COG5: variants seen among roughly 807,000 people sequenced by gnomAD.
COG5 encodes conserved oligomeric Golgi complex subunit 5.
COG5 carries 86 observed loss-of-function variants against 110.4 expected under a neutral mutation model. The ratio of observed to expected loss-of-function variants is 0.78; its 90% CI spans 0.65 to 0.93. The LOEUF is 0.93. Among genes scored for constraint, COG5 ranks in the 40% least tolerant of loss-of-function variants. The pLI, the probability that COG5 is intolerant of heterozygous loss-of-function variation, is 0.00. For synonymous variants in COG5, 360 were observed against 334.6 expected, an observed-to-expected ratio of 1.08 and a Z score of -0.83; for missense variants, 1,077 against 987.0, an observed-to-expected ratio of 1.09 and a Z score of -1.22.
chr7:107,503,149 T>A (rs1798741791), intron 6 of COG5, among the ~76,000 whole-genome samples: 1 of 152,168 alleles, frequency 6.6e-6, no homozygotes, highest in Admixed American at 6.5e-5. Flanking sequence ...TAGATTGAAG[T>A]CTTTGATCCA....
intron 7 of COG5, among the ~76,000 whole-genome samples, chr7:107,411,432 A>T (rs1310397055): frequency 6.6e-6 from 1 of 152,154 alleles, no homozygotes; most frequent in African/African-American, 2.4e-5. Context: ...AACTAAAAGT[A>T]ATCTCTAATG....
intron 7 of COG5, among the ~76,000 whole-genome samples, chr7:107,375,000 T>C (rs1474875484): frequency 6.6e-6 from 1 of 152,056 alleles, no homozygotes; most frequent in Non-Finnish European, 1.5e-5. Context: ...CTAAGTATTA[T>C]CAGCACCTTT....
At chr7:107,254,137 C>T (rs1802715621) in intron 16 of COG5, among the ~76,000 whole-genome samples, 1 of 151,954 alleles carries the variant, frequency 6.6e-6, no homozygotes, top group African/African-American at 2.4e-5. Context: ...AACCTCAAGC[C>T]TAAAATAACA....
intron 6 of COG5, among the ~76,000 whole-genome samples, chr7:107,485,237 T>C (rs1797589198): frequency 6.6e-6 from 1 of 152,184 alleles, no homozygotes; most frequent in African/African-American, 2.4e-5. Context: ...TACCAAATTC[T>C]GAAATAAGCT....
At chr7:107,501,541 G>A (rs977773974) in intron 6 of COG5, among the ~76,000 whole-genome samples, 6 of 152,020 alleles carry the variant, frequency 3.9e-5, no homozygotes, top group African/African-American at 1.4e-4. Flanking sequence ...AGAGCTCCTT[G>A]TTTTTGTCTA....
intron 11 of COG5, among the ~76,000 whole-genome samples, chr7:107,299,873 A>AATATATATATATATATATATGGAATTAC (rs1807109244): frequency 5.6e-5 from 7 of 124,450 alleles, no homozygotes; most frequent in Admixed American, 2.6e-4. Flanking sequence ...AATTATCTGG[A>AATATATATATATATATATATGGAATTAC]ATATATATAT....
intron 6 of COG5, among the ~76,000 whole-genome samples, chr7:107,512,329 T>C (rs376689395): frequency 3.3e-5 from 5 of 152,046 alleles, no homozygotes; most frequent in Admixed American, 2.0e-4. Context: ...CCTAGGAATC[T>C]AACTTACAAG....
At chr7:107,490,719 T>G (rs1797926293) in intron 6 of COG5, among the ~76,000 whole-genome samples, 1 of 152,188 alleles carries the variant, frequency 6.6e-6, no homozygotes, top group Admixed American at 6.6e-5. Context: ...AGAAGTTAAC[T>G]TCTGGTAATT....
intron 6 of COG5, among the ~76,000 whole-genome samples, chr7:107,473,879 C>T (rs1796804943): frequency 6.6e-6 from 1 of 151,906 alleles, no homozygotes; most frequent in Non-Finnish European, 1.5e-5. Flanking sequence ...ACAATGCAAA[C>T]TTGATGGTTC....
intron 14 of COG5, among the ~76,000 whole-genome samples, chr7:107,268,799 C>A (rs1804010638): frequency 6.6e-6 from 1 of 152,156 alleles, no homozygotes; most frequent in Admixed American, 6.5e-5. Context: ...ATCGTTATGT[C>A]AGCATTCTTC....
intron 12 of COG5, among the ~76,000 whole-genome samples, chr7:107,296,408 T>C (rs1806752288): frequency 6.6e-6 from 1 of 151,968 alleles, no homozygotes; most frequent in Non-Finnish European, 1.5e-5. Context: ...TTAAAAAATA[T>C]GATATATCAT....
At chr7:107,553,394 G>A (rs776051494) in intron 3 of COG5, among the ~76,000 whole-genome samples, 1 of 151,984 alleles carries the variant, frequency 6.6e-6, no homozygotes, top group Non-Finnish European at 1.5e-5. Context: ...TCTTCATCAG[G>A]GTATCTTAGA....
intron 17 of COG5, among the ~76,000 whole-genome samples, chr7:107,245,129 T>A (rs1252388779): frequency 6.6e-6 from 1 of 152,222 alleles, no homozygotes; most frequent in Non-Finnish European, 1.5e-5. Flanking sequence ...ATTATCTCAA[T>A]AGACCCAGAA....
chr7:107,460,555 A>T (rs114364930), intron 6 of COG5, among the ~76,000 whole-genome samples: 2 of 152,150 alleles, frequency 1.3e-5, no homozygotes, highest in Admixed American at 6.5e-5. Context: ...AAAAAAATTT[A>T]AATTGATGAA....
intron 21 of COG5, among the ~76,000 whole-genome samples, chr7:107,206,887 A>C (rs1798823596): frequency 6.6e-6 from 1 of 152,232 alleles, no homozygotes; most frequent in Non-Finnish European, 1.5e-5. Context: ...CTTAAGCAAA[A>C]CATTAGCTTT....
chr7:107,405,713 T>A (rs1791784739), intron 7 of COG5, among the ~76,000 whole-genome samples: 1 of 152,230 alleles, frequency 6.6e-6, no homozygotes, highest in African/African-American at 2.4e-5. Context: ...AATGTTTGTG[T>A]CTTTCCTCCT....
chr7:107,530,414 C>T (rs1460576717), intron 5 of COG5, among the ~76,000 whole-genome samples: 3 of 152,076 alleles, frequency 2.0e-5, no homozygotes, highest in Non-Finnish European at 1.5e-5. Flanking sequence ...CCAGCCTGAC[C>T]AACATGGAGA....
intron 6 of COG5, among the ~76,000 whole-genome samples, chr7:107,520,947 A>C (rs1800280663): frequency 6.6e-6 from 1 of 152,202 alleles, no homozygotes; most frequent in Non-Finnish European, 1.5e-5. Flanking sequence ...CAAAAGAGAT[A>C]TGTAACTAAT....
intron 11 of COG5, among the ~76,000 whole-genome samples, chr7:107,305,958 A>T (rs1277525195): frequency 6.6e-6 from 1 of 152,132 alleles, no homozygotes; most frequent in Non-Finnish European, 1.5e-5. Flanking sequence ...AAAGATTACA[A>T]AAGTGTGCCA....
Sources: gnomAD v4.1 joint callset for allele counts (sites outside exome capture counted in the v4.1 genomes callset) on GRCh38, gnomAD v4.1.1 for gene constraint, MANE v1.5 for transcripts, NCBI Gene and HGNC (gene_info 2026-07-23, HGNC 2026-07-21) for gene names.